Variants in DSCAM observed in about 807,000 individuals in gnomAD.
The protein encoded by DSCAM is DS cell adhesion molecule, also known as cell adhesion molecule DSCAM.
In DSCAM, 47 loss-of-function variants were observed where a neutral mutation model predicts 217.7. The ratio of observed to expected loss-of-function variants is 0.22; its 90% CI spans 0.17 to 0.28. The LOEUF is 0.28. Among genes scored for constraint, DSCAM ranks in the 10% least tolerant of loss-of-function variants. DSCAM has a pLI of 1.00. For synonymous variants in DSCAM, 1,056 were observed against 1,015.3 expected, an observed-to-expected ratio of 1.04 and a Z score of -0.76; for missense variants, 2,080 against 2,618.3, an observed-to-expected ratio of 0.79 and a Z score of 4.49.
rs2074235842 is a variant in DSCAM, at chr21:40,319,439, GT to G, written c.1784-7081del. Among the ~76,000 whole-genome samples the G allele has an allele frequency of 2.0e-5, 3 of 151,440 alleles. No individual in the cohort carries two copies. In the South Asian group the frequency reaches 6.2e-4, roughly 31 times the overall value. On this transcript the variant is annotated intron_variant, in intron 8 of 32. Coordinates refer to ENST00000400454, the MANE Select transcript of DSCAM (RefSeq NM_001389.5). ...GGCTAAATAATGTTCGTGTGTGCAT[GT>G]GTGTGTGTGTGTATGTGTGTGTGAC...
At chr21:40,737,482 A>T (rs2091076322) in intron 1 of DSCAM, among the ~76,000 whole-genome samples, 1 of 152,162 alleles carries the variant, frequency 6.6e-6, no homozygotes, top group Admixed American at 6.5e-5. Context: ...TACTAAAAAA[A>T]ATACAAAAAT....
At chr21:40,392,856 C>T (rs902106643) in intron 3 of DSCAM, among the ~76,000 whole-genome samples, 4 of 152,086 alleles carry the variant, frequency 2.6e-5, no homozygotes, top group Non-Finnish European at 5.9e-5. Context: ...GCCAGAGCTC[C>T]TTAGGAAGCC....
At chr21:40,674,821 C>T (rs1221067972) in intron 3 of DSCAM, among the ~76,000 whole-genome samples, 1 of 151,862 alleles carries the variant, frequency 6.6e-6, no homozygotes. Flanking sequence ...TTAGTAGAGA[C>T]GGGGTTTCAC....
Position 40,012,389 on chromosome 21 carries a change from A to C in DSCAM, c.*645T>G, listed in dbSNP as rs1339697147. 2.0e-5 allele frequency: 3 copies of C among 152,234 alleles called. No homozygotes were observed. Among genetic ancestry groups the C allele is most frequent in the African/African-American group, 7.2e-5 (3 of 41,462 alleles). 9.4% of individuals were successfully genotyped at this position (152,234 alleles called of 1,614,324 possible). A position where few individuals can be genotyped will look rare whatever the true frequency, so the allele number is the denominator to read the frequency against. On this transcript the variant is annotated 3_prime_UTR_variant, in exon 33 of 33. Coordinates refer to ENST00000400454, the MANE Select transcript of DSCAM (RefSeq NM_001389.5). ...GAAGGAGGACCAGGCCACTGGCAGAAGACGAGAGAAGCAGACATGGAAATA... is the reference window on the plus strand; with the variant it reads ...GAAGGAGGACCAGGCCACTGGCAGACGACGAGAGAAGCAGACATGGAAATA...
chr21:40,053,773 T>C (rs1488904649), intron 29 of DSCAM, among the ~76,000 whole-genome samples: 3 of 152,084 alleles, frequency 2.0e-5, no homozygotes, highest in African/African-American at 7.3e-5. Flanking sequence ...TATTTACAAA[T>C]GGAAATGACT....
chr21:40,675,713 A>G (rs953358895), intron 3 of DSCAM, among the ~76,000 whole-genome samples: 3 of 152,238 alleles, frequency 2.0e-5, no homozygotes, highest in African/African-American at 7.2e-5. Flanking sequence ...TACATCCTAT[A>G]TAATAACCTG....
In DSCAM at chr21:40,700,945, C is replaced by G. The variant is rs192303923; in HGVS notation, c.361+7509G>C. Among the ~76,000 whole-genome samples, 6 of 152,098 alleles carry G rather than the reference C, an allele frequency of 3.9e-5. No individual in the cohort carries two copies. The East Asian group carries it at 1.2e-3, about 29-fold the overall frequency. Reference sequence around the variant, plus strand: ...AGAGATGGATTTTCACCATGTTGGCCGGGCTGGTCTTGAACTCCTGACTTC... The same window carrying G: ...AGAGATGGATTTTCACCATGTTGGCGGGGCTGGTCTTGAACTCCTGACTTC... On this transcript the variant is annotated intron_variant, in intron 2 of 32. Coordinates refer to ENST00000400454, the MANE Select transcript of DSCAM (RefSeq NM_001389.5).
At chr21:40,662,584 A>G (rs2090150200) in intron 3 of DSCAM, among the ~76,000 whole-genome samples, 1 of 152,206 alleles carries the variant, frequency 6.6e-6, no homozygotes, top group Non-Finnish European at 1.5e-5. Flanking sequence ...AAGGCAATTA[A>G]TGAGAATGGA....
intron 10 of DSCAM, among the ~76,000 whole-genome samples, chr21:40,279,676 A>G (rs1484798698): frequency 6.6e-6 from 1 of 152,216 alleles, no homozygotes; most frequent in Non-Finnish European, 1.5e-5. Context: ...ACATGCACAC[A>G]TATGTTTACT....
chr21:40,691,954 G>A (rs1161594606), intron 3 of DSCAM, among the ~76,000 whole-genome samples: 2 of 152,226 alleles, frequency 1.3e-5, no homozygotes. Flanking sequence ...TGGATAAAAT[G>A]TTGCTTAGTC....
chr21:40,140,261 G>A (rs961578828), intron 18 of DSCAM, among the ~76,000 whole-genome samples: 5 of 152,100 alleles, frequency 3.3e-5, no homozygotes, highest in South Asian at 4.1e-4. Flanking sequence ...CTTCTACATC[G>A]CACATTTATC....
chr21:40,717,975 G>C (rs979105952), intron 1 of DSCAM, among the ~76,000 whole-genome samples: 1 of 152,178 alleles, frequency 6.6e-6, no homozygotes, highest in African/African-American at 2.4e-5. Flanking sequence ...AGGCCAGCTG[G>C]GCATTGGTGG....
intron 28 of DSCAM, among the ~76,000 whole-genome samples, chr21:40,059,337 T>C (rs1360113759): frequency 6.6e-6 from 1 of 152,222 alleles, no homozygotes; most frequent in Non-Finnish European, 1.5e-5. Flanking sequence ...AAACACCTCT[T>C]AGAAGGCTGT....
chr21:40,065,407 G>A (rs1568922095), intron 27 of DSCAM, among the ~76,000 whole-genome samples: 2 of 152,114 alleles, frequency 1.3e-5, no homozygotes, highest in Admixed American at 1.3e-4. Context: ...ACACACTTTT[G>A]TTGAGGGTGA....
intron 3 of DSCAM, among the ~76,000 whole-genome samples, chr21:40,636,351 C>T (rs1456808742): frequency 6.6e-6 from 1 of 151,556 alleles, no homozygotes; most frequent in Non-Finnish European, 1.5e-5. Context: ...TTATCTCAAC[C>T]AAGAGGTTAA....
intron 3 of DSCAM, among the ~76,000 whole-genome samples, chr21:40,611,101 C>G (rs1354935003): frequency 7.0e-6 from 1 of 141,964 alleles, no homozygotes; most frequent in African/African-American, 2.6e-5. Flanking sequence ...CCGTGTCGTC[C>G]AGGCTGGAGT....
At chr21:40,456,746 T>C (rs143154375) in intron 3 of DSCAM, among the ~76,000 whole-genome samples, 1 of 152,282 alleles carries the variant, frequency 6.6e-6, no homozygotes, top group African/African-American at 2.4e-5. Context: ...GGATAGCTAA[T>C]AGGTAAAGCA....
chr21:40,110,320 C>A (rs1294670067), intron 20 of DSCAM, among the ~76,000 whole-genome samples: 1 of 152,176 alleles, frequency 6.6e-6, no homozygotes, highest in Non-Finnish European at 1.5e-5. Context: ...TGGAGAGGAC[C>A]TCCAGCAAAC....
At chr21:40,400,196 T>C (rs2075221081) in intron 3 of DSCAM, among the ~76,000 whole-genome samples, 1 of 152,206 alleles carries the variant, frequency 6.6e-6, no homozygotes, top group Non-Finnish European at 1.5e-5. Context: ...TTGTAGCTAT[T>C]TATATTTAGT....
Sources: gnomAD v4.1 joint callset for allele counts (sites outside exome capture counted in the v4.1 genomes callset) on GRCh38, gnomAD v4.1.1 for gene constraint, MANE v1.5 for transcripts, NCBI Gene and HGNC (gene_info 2026-07-23, HGNC 2026-07-21) for gene names.